The following DCC variants were observed in gnomAD, a reference collection of about 807,000 sequenced individuals.
DCC encodes netrin receptor DCC.
DCC carries 58 observed loss-of-function variants against 172.5 expected under a neutral mutation model. The ratio of observed to expected loss-of-function variants is 0.34; its 90% CI spans 0.27 to 0.42. DCC has a LOEUF of 0.42. DCC is among the 10% of genes least tolerant of loss of function. The pLI is 1.00. For missense variants in DCC, 1,740 were observed against 1,791.0 expected (o/e 0.97, Z 0.51); for synonymous variants, 709 against 644.5 (o/e 1.10, Z -1.52).
At chr18:52,492,621 T>C (rs2030560380) in intron 1 of DCC, among the ~76,000 whole-genome samples, 1 of 151,588 alleles carries the variant, frequency 6.6e-6, no homozygotes, top group African/African-American at 2.4e-5. Context: ...GGGAAGTGGA[T>C]ATGGGGCAAG....
intron 3 of DCC, among the ~76,000 whole-genome samples, chr18:52,922,082 T>C (rs1285916717): frequency 1.3e-5 from 2 of 148,620 alleles, no homozygotes; most frequent in Admixed American, 6.7e-5. Flanking sequence ...AAATGAAGCA[T>C]ACCATCAGCA....
chr18:52,418,871 T>C (rs1218726702), intron 1 of DCC, among the ~76,000 whole-genome samples: 1 of 145,702 alleles, frequency 6.9e-6, no homozygotes, highest in Non-Finnish European at 1.5e-5. Context: ...TTTTTTTTTT[T>C]TTTTTTTGAG....
At chr18:52,481,313 C>G (rs905441876) in intron 1 of DCC, among the ~76,000 whole-genome samples, 1 of 149,808 alleles carries the variant, frequency 6.7e-6, no homozygotes, top group East Asian at 1.9e-4. Flanking sequence ...CTTTTGGGCT[C>G]ACACAGTTGG....
intron 16 of DCC, among the ~76,000 whole-genome samples, chr18:53,387,592 G>A (rs1442294953): frequency 6.6e-6 from 1 of 152,146 alleles, no homozygotes; most frequent in Non-Finnish European, 1.5e-5. Flanking sequence ...CTTGAGGTTT[G>A]GGTTACAAAC....
At chr18:52,556,931 T>C (rs1390359765) in intron 1 of DCC, among the ~76,000 whole-genome samples, 4 of 152,200 alleles carry the variant, frequency 2.6e-5, no homozygotes, top group Non-Finnish European at 5.9e-5. Flanking sequence ...GCCCAATGGC[T>C]ATAACAACAT....
chr18:53,499,415 C>T lies in DCC; in HGVS notation c.4016C>T (p.Thr1339Ile), dbSNP rs1190308230. ...RTIPTACVRPTHPLRSFANPL... is the reference protein window; with the variant it reads ...RTIPTACVRPIHPLRSFANPL... ...ATCCCCACAGCTTGTGTTCGACCAA[C>T]TCACCCACTCCGCAGCTTTGCTAAT... The change falls in exon 27 of 29, where the codon ACT (threonine) becomes ATT (isoleucine). Residue 1339 changes from threonine (T) to isoleucine (I), a missense_variant. Thr to Ile is a moderately conservative substitution (Grantham distance 89, BLOSUM62 -1). Around this residue, in one of 2 missense-constraint regions of DCC, gnomAD observed 1,732 missense variants for 1,767.4 expected, o/e 0.98. Coordinates refer to ENST00000442544, the MANE Select transcript of DCC (RefSeq NM_005215.4). The T allele has an allele frequency of 6.2e-7, 1 of 1,614,150 alleles. No individual in the cohort carries two copies. Among genetic ancestry groups the T allele is most frequent in the Non-Finnish European group, 8.5e-7 (1 of 1,180,024 alleles).
chr18:53,373,253 G>T (rs1434624319), intron 15 of DCC, among the ~76,000 whole-genome samples: 1 of 152,078 alleles, frequency 6.6e-6, no homozygotes, highest in African/African-American at 2.4e-5. Context: ...TCCTCATGTG[G>T]ATAGTAATTT....
chr18:53,039,255 A>G (rs1050717370), intron 5 of DCC, among the ~76,000 whole-genome samples: 22 of 152,032 alleles, frequency 1.4e-4, no homozygotes, highest in African/African-American at 5.3e-4. Flanking sequence ...AAGATTATGC[A>G]GTTCTATGGA....
chr18:53,263,618 T>C (rs1178508406), intron 12 of DCC, among the ~76,000 whole-genome samples: 1 of 152,196 alleles, frequency 6.6e-6, no homozygotes, highest in Non-Finnish European at 1.5e-5. Flanking sequence ...ATAAGGATGC[T>C]TGAAAACACA....
At chr18:52,857,050 A>G (rs1218742126) in intron 2 of DCC, among the ~76,000 whole-genome samples, 2 of 152,200 alleles carry the variant, frequency 1.3e-5, no homozygotes, top group African/African-American at 2.4e-5. Flanking sequence ...TTTCTGCTTC[A>G]TAAGTATTTT....
chr18:52,673,529 C>T (rs2035592321), intron 1 of DCC, among the ~76,000 whole-genome samples: 2 of 152,170 alleles, frequency 1.3e-5, no homozygotes, highest in South Asian at 4.1e-4. Context: ...ATGATAGTCG[C>T]ATGGTTTGTC....
intron 22 of DCC, among the ~76,000 whole-genome samples, chr18:53,440,097 A>AT (rs1912181563): frequency 6.6e-6 from 1 of 152,198 alleles, no homozygotes; most frequent in Non-Finnish European, 1.5e-5. Flanking sequence ...TCAATTTTAG[A>AT]TTATGGTCCA....
intron 5 of DCC, among the ~76,000 whole-genome samples, chr18:53,060,153 GCCA>G (rs1255694581): frequency 1.3e-5 from 2 of 151,752 alleles, no homozygotes; most frequent in African/African-American, 4.8e-5. Flanking sequence ...ACAGGCATGT[GCCA>G]CCACACCTGG....
intron 1 of DCC, among the ~76,000 whole-genome samples, chr18:52,686,298 A>G (rs575147744): frequency 5.9e-5 from 9 of 152,238 alleles, no homozygotes; most frequent in African/African-American, 1.4e-4. Context: ...GCATTTTCAC[A>G]TAGCTCACCA....
At chr18:52,934,112 CA>C (rs1346131712) in intron 5 of DCC, among the ~76,000 whole-genome samples, 1 of 152,032 alleles carries the variant, frequency 6.6e-6, no homozygotes, top group Non-Finnish European at 1.5e-5. Flanking sequence ...TTTTCATATC[CA>C]ATTATCATTA....
At chr18:52,980,241 A>G (rs2041187706) in intron 5 of DCC, among the ~76,000 whole-genome samples, 1 of 152,194 alleles carries the variant, frequency 6.6e-6, no homozygotes, top group Non-Finnish European at 1.5e-5. Flanking sequence ...TGCCTGCAGC[A>G]GGAGGATGAC....
intron 1 of DCC, among the ~76,000 whole-genome samples, chr18:52,501,453 A>C (rs994888100): frequency 6.6e-6 from 1 of 151,780 alleles, no homozygotes. Flanking sequence ...TCTAAGCAGA[A>C]GTTTATGCCA....
intron 1 of DCC, among the ~76,000 whole-genome samples, chr18:52,395,399 G>A (rs1448408510): frequency 2.0e-5 from 3 of 151,996 alleles, no homozygotes; most frequent in Non-Finnish European, 2.9e-5. Context: ...TCGGTATGTG[G>A]GTTTGGTTTT....
chr18:52,764,899 G>A (rs1179962243), intron 2 of DCC, among the ~76,000 whole-genome samples: 1 of 152,152 alleles, frequency 6.6e-6, no homozygotes, highest in Non-Finnish European at 1.5e-5. Context: ...TTCAGGCTCT[G>A]TATATAATGT....
Sources: gnomAD v4.1 joint callset for allele counts (sites outside exome capture counted in the v4.1 genomes callset) on GRCh38, gnomAD v4.1.1 for gene constraint, gnomAD v4.1.1 regional missense constraint, MANE v1.5 for transcripts, NCBI Gene and HGNC (gene_info 2026-07-23, HGNC 2026-07-21) for gene names.